The following ZNF423 variants were observed in gnomAD, a reference collection of about 807,000 sequenced individuals.
ZNF423 encodes the protein zinc finger protein 423.
A neutral mutation model predicts 95.8 loss-of-function variants in ZNF423; 12 were observed. The observed-to-expected ratio is 0.13, with a 90% CI of 0.08 to 0.20. The LOEUF (loss-of-function observed/expected upper bound fraction) is 0.20. Among genes scored for constraint, ZNF423 ranks in the 10% least tolerant of loss-of-function variants. ZNF423 has a pLI of 1.00. For missense variants in ZNF423, 1,316 were observed against 1,737.1 expected, an observed-to-expected ratio of 0.76 and a Z score of 4.31; for synonymous variants, 749 against 711.9, an observed-to-expected ratio of 1.05 and a Z score of -0.83.
At position 49,552,861 on chromosome 16, in the gene ZNF423, C is replaced by T. The variant is rs553401467; in HGVS notation, c.3602-27367G>A. ...AGGAACCAGCGGTGCTCCCCAAGGG[C>T]CCCCACCCCTCCAGGAGGGGATGGG... On this transcript the variant is annotated intron_variant, in intron 5 of 7. Transcript: ENST00000563137. Among the ~76,000 whole-genome samples the T allele has an allele frequency of 2.6e-5, 4 of 152,014 alleles. No homozygotes were observed. The East Asian group carries it at 5.9e-4, about 22-fold the overall frequency.
At chr16:49,602,320 T>TGGA (rs1158941891) in intron 5 of ZNF423, among the ~76,000 whole-genome samples, 1 of 152,196 alleles carries the variant, frequency 6.6e-6, no homozygotes, top group African/African-American at 2.4e-5. Flanking sequence ...TGCCAGCCCC[T>TGGA]GGAAGGCAGG....
chr16:49,497,895 G>A (rs913211656), intron 7 of ZNF423, among the ~76,000 whole-genome samples: 1 of 152,208 alleles, frequency 6.6e-6, no homozygotes, highest in African/African-American at 2.4e-5. Context: ...TGCAGTAGAC[G>A]GAAGAGAGCA....
chr16:49,514,198 ACACACACACACACATG>A (rs1465830062), intron 7 of ZNF423, among the ~76,000 whole-genome samples: 12 of 127,120 alleles, frequency 9.4e-5, no homozygotes, highest in African/African-American at 1.4e-4. Context: ...ACACACACAC[ACACACACACACACATG>A]CACACGCACA....
At chr16:49,649,955 G>A (rs759876492) in intron 3 of ZNF423, among the ~76,000 whole-genome samples, 2 of 152,228 alleles carry the variant, frequency 1.3e-5, no homozygotes, top group Non-Finnish European at 2.9e-5. Context: ...CCTCCTCCAG[G>A]GAGCTGAGAG....
At chr16:49,806,584 G>A (rs1567351893) in intron 1 of ZNF423, among the ~76,000 whole-genome samples, 1 of 152,178 alleles carries the variant, frequency 6.6e-6, no homozygotes, top group South Asian at 2.1e-4. Context: ...CACGAGCAGA[G>A]GAAACTGAGT....
At chr16:49,722,909 T>G (rs1207895155) in intron 3 of ZNF423, among the ~76,000 whole-genome samples, 26 of 152,104 alleles carry the variant, frequency 1.7e-4, no homozygotes. Context: ...TGGTATTTCC[T>G]TATGGTTTAA....
chr16:49,793,816 A>G (rs2034453928), intron 1 of ZNF423, among the ~76,000 whole-genome samples: 1 of 152,136 alleles, frequency 6.6e-6, no homozygotes, highest in Admixed American at 6.5e-5. Context: ...GGTGGATGTG[A>G]ATACACAGGG....
rs759782182 is a variant in ZNF423 at position 49,789,457 on chromosome 16, C to A, written c.100+30G>T. ...CTGGGCCAGCCCCCAGGACCCCCTG[C>A]AACTCTTCCACCAGCCCCCGGGCAT... On this transcript the variant is annotated intron_variant, in intron 2 of 7. Coordinates refer to ENST00000563137, the MANE Select transcript of ZNF423 (RefSeq NM_001379286.1). 76 of 1,606,960 alleles carry A rather than the reference C, an allele frequency of 4.7e-5. No individual in the cohort carries two copies. In the Middle Eastern group the frequency reaches 4.9e-4, roughly 10 times the overall value.
chr16:49,720,712 G>A (rs1410404380), intron 3 of ZNF423, among the ~76,000 whole-genome samples: 1 of 152,172 alleles, frequency 6.6e-6, no homozygotes, highest in Admixed American at 6.5e-5. Flanking sequence ...CTGACAATCT[G>A]GCATTTCATT....
chr16:49,788,267 G>A (rs902880127), intron 2 of ZNF423, among the ~76,000 whole-genome samples: 1 of 152,214 alleles, frequency 6.6e-6, no homozygotes, highest in Non-Finnish European at 1.5e-5. Context: ...GCTCCTGCTG[G>A]AAAGGACACG....
At chr16:49,570,617 C>A (rs1483576650) in intron 5 of ZNF423, among the ~76,000 whole-genome samples, 1 of 152,178 alleles carries the variant, frequency 6.6e-6, no homozygotes, top group East Asian at 1.9e-4. Flanking sequence ...CTTCCCCAAC[C>A]AAACCACTTA....
At chr16:49,842,418 C>A (rs142000399) in intron 1 of ZNF423, among the ~76,000 whole-genome samples, 4,940 of 63,682 alleles carry the variant, frequency 0.078, 106 homozygotes, top group African/African-American at 0.094. Context: ...GGAAGGCAGG[C>A]AGGCAGGCAG....
At position 49,849,899 on chromosome 16, in the gene ZNF423, C is replaced by CGTCCCGCTGT. The variant is rs1555490476; in HGVS notation, c.40+5826_40+5835dup. ...GCACCAATCTATAACGCTGGGAGGC[C>CGTCCCGCTGT]GTCCCGCTGTCAGCGAGGGCTGACA... On this transcript the variant is annotated intron_variant, in intron 1 of 7. Transcript: ENST00000563137. Among the ~76,000 whole-genome samples the CGTCCCGCTGT allele has an allele frequency of 5.3e-5, 8 of 152,298 alleles. 1 individual carries two copies. The highest frequency in any genetic ancestry group is 1.0e-4 in the Non-Finnish European group (7 of 68,026).
intron 3 of ZNF423, among the ~76,000 whole-genome samples, chr16:49,671,174 A>AG (rs1413175255): frequency 1.3e-5 from 2 of 152,308 alleles, no homozygotes; most frequent in Non-Finnish European, 2.9e-5. Context: ...CTGGTCACCC[A>AG]GGGGGCACAG....
chr16:49,536,385 T>A (rs2151729689), intron 5 of ZNF423, among the ~76,000 whole-genome samples: 1 of 150,902 alleles, frequency 6.6e-6, no homozygotes, highest in Admixed American at 6.6e-5. Context: ...ATCCACACTG[T>A]CAATCTAGTA....
chr16:49,608,859 C>T (rs1971624598), intron 5 of ZNF423, among the ~76,000 whole-genome samples: 1 of 152,174 alleles, frequency 6.6e-6, no homozygotes, highest in Non-Finnish European at 1.5e-5. Flanking sequence ...GAATGGAGAT[C>T]TGAGACTGCC....
intron 5 of ZNF423, among the ~76,000 whole-genome samples, chr16:49,567,723 G>C (rs1161901703): frequency 6.6e-6 from 1 of 152,178 alleles, no homozygotes; most frequent in Non-Finnish European, 1.5e-5. Context: ...AGAGAGGCTA[G>C]GGCCTCCTCT....
intron 5 of ZNF423, among the ~76,000 whole-genome samples, chr16:49,617,413 G>A (rs1169658285): frequency 6.6e-6 from 1 of 152,338 alleles, no homozygotes; most frequent in Non-Finnish European, 1.5e-5. Context: ...CTGCTGCCAA[G>A]CAGCCAAATG....
intron 3 of ZNF423, among the ~76,000 whole-genome samples, chr16:49,657,483 A>G (rs2029943704): frequency 6.6e-6 from 1 of 152,238 alleles, no homozygotes; most frequent in African/African-American, 2.4e-5. Flanking sequence ...CAGTCTGAGT[A>G]AAAGAGCCTG....
Sources: gnomAD v4.1 joint callset for allele counts (sites outside exome capture counted in the v4.1 genomes callset) on GRCh38, gnomAD v4.1.1 for gene constraint, MANE v1.5 for transcripts, NCBI Gene and HGNC (gene_info 2026-07-23, HGNC 2026-07-21) for gene names.